ZNF329: variants seen among roughly 807,000 people sequenced by gnomAD.
ZNF329 encodes zinc finger protein 329.
A neutral mutation model predicts 26.6 loss-of-function variants in ZNF329; 15 were observed. The ratio of observed to expected loss-of-function variants is 0.56; its 90% CI spans 0.38 to 0.87. The LOEUF (loss-of-function observed/expected upper bound fraction) is 0.87. ZNF329 is among the 40% of genes least tolerant of loss of function. The probability of loss-of-function intolerance (pLI) is 0.00; values close to 1 mark genes in which losing one functional copy is unlikely to be tolerated. For missense variants in ZNF329, 651 were observed against 651.9 expected, an observed-to-expected ratio of 1.00 and a Z score of 0.02; for synonymous variants, 239 against 233.5, an observed-to-expected ratio of 1.02 and a Z score of -0.21.
In ZNF329 at chr19:58,127,922, G is replaced by T; in HGVS notation, c.1582C>A (p.Arg528=). 6.2e-7 allele frequency: 1 copy of T among 1,610,358 alleles called. No individual in the cohort carries two copies. Among genetic ancestry groups the T allele is most frequent in the African/African-American group, 1.3e-5 (1 of 74,890 alleles). ...TCTCCCAGGTGTGCTCTTTGATGTC[G>T]AACAAGGGATGAGCTCTTTTGGAAC... The part of the protein sequence containing the change: ...KMFQKSSSLV[R]HQRAHLGEQP... The change falls in exon 4 of 4, where the codon CGA becomes AGA. Residue 528 remains arginine (R), a synonymous_variant. Transcript: ENST00000598312.
intron 1 of ZNF329, among the ~76,000 whole-genome samples, chr19:58,147,545 T>TGG (rs1279616892): frequency 1.4e-4 from 14 of 97,664 alleles, no homozygotes; most frequent in African/African-American, 5.7e-4. Flanking sequence ...GGGAGGGAGG[T>TGG]GGGGGGGTCA....
chr19:58,139,864 AAAAC>A (rs1042633185), intron 3 of ZNF329, among the ~76,000 whole-genome samples: 1 of 152,210 alleles, frequency 6.6e-6, no homozygotes, highest in Non-Finnish European at 1.5e-5. Context: ...TCAATATTTA[AAAAC>A]AAACAAAAAC....
chr19:58,153,254 C>T (rs988473333), upstream of ZNF329, among the ~76,000 whole-genome samples: 4 of 152,110 alleles, frequency 2.6e-5, no homozygotes, highest in African/African-American at 7.2e-5. Context: ...GGATTACATG[C>T]GCACACCACC....
At chr19:58,135,843 C>A (rs570322919) in intron 3 of ZNF329, among the ~76,000 whole-genome samples, 1 of 151,240 alleles carries the variant, frequency 6.6e-6, no homozygotes, top group South Asian at 2.1e-4. Context: ...TATAATAAAA[C>A]AGCGAGTAAA....
At position 58,144,391 on chromosome 19, in the gene ZNF329, TA is replaced by T. The variant is rs1417807156; in HGVS notation, c.-207-1194del. 2.2e-3 allele frequency among the ~76,000 whole-genome samples: 241 copies of T among 111,872 alleles called. 1 individual carries two copies. Among genetic ancestry groups the T allele is most frequent in the African/African-American group, 6.2e-3 (195 of 31,662 alleles). The allele number at this position is 111,872 out of a possible 152,430, so 73.4% of individuals were successfully genotyped here. A position where few individuals can be genotyped will look rare whatever the true frequency, so the allele number is the denominator to read the frequency against. ...ATCTATCTATCTATCTATATATATA[TA>T]TATATTTTTTTTTTGAGACGGAGTC... is the stretch of plus-strand genomic sequence containing the variant. On this transcript the variant is annotated intron_variant, in intron 1 of 3. Transcript: ENST00000598312.
At position 58,146,146 on chromosome 19, in the gene ZNF329, C is replaced by G. The variant is rs201246352; in HGVS notation, c.-207-2948G>C. 1.2e-4 allele frequency among the ~76,000 whole-genome samples: 18 copies of G among 152,166 alleles called. No individual in the cohort carries two copies. The East Asian group carries it at 1.9e-3, about 16-fold the overall frequency. ...CCATACAAACTGTATCAGCTGCATA[C>G]AAACTATATCAGACAGGAATTCTGT... On this transcript the variant is annotated intron_variant, in intron 1 of 3. Coordinates refer to ENST00000598312, the MANE Select transcript of ZNF329 (RefSeq NM_024620.4).
In ZNF329 at chr19:58,127,335, T is replaced by G. The variant is rs1384488281; in HGVS notation, c.*543A>C. The stretch of plus-strand genomic sequence containing the variant: ...GGCCAACACAGTGAAACCCTGTCTC[T>G]ACTAAAAATAGAAAAAATTAGCCAG... On this transcript the variant is annotated 3_prime_UTR_variant, in exon 4 of 4. Transcript: ENST00000598312. 6.6e-6 allele frequency: 1 copy of G among 152,228 alleles called. No homozygotes were observed. Among genetic ancestry groups the G allele is most frequent in the Non-Finnish European group, 1.5e-5 (1 of 68,096 alleles). The allele number at this position is 152,228 out of a possible 1,614,324, so 9.4% of individuals were successfully genotyped here.
At chr19:58,137,807 TAC>T (rs2075104901) in intron 3 of ZNF329, among the ~76,000 whole-genome samples, 1 of 15,614 alleles carries the variant, frequency 6.4e-5, no homozygotes, top group Admixed American at 6.9e-4. Context: ...CTACAAAAAA[TAC>T]AAAAAAAAAA....
intron 1 of ZNF329, among the ~76,000 whole-genome samples, chr19:58,149,563 C>A (rs2075402464): frequency 6.6e-6 from 1 of 151,950 alleles, no homozygotes; most frequent in Non-Finnish European, 1.5e-5. Context: ...TATGCAAATG[C>A]GGAACTTTTC....
intron 3 of ZNF329, among the ~76,000 whole-genome samples, chr19:58,136,229 CAA>C (rs201265531): frequency 2.7e-5 from 3 of 109,696 alleles, no homozygotes; most frequent in Admixed American, 2.0e-4. Context: ...GACTCCATCT[CAA>C]AAAAAAAAAA....
chr19:58,146,583 G>A (rs887329045), intron 1 of ZNF329, among the ~76,000 whole-genome samples: 2 of 147,324 alleles, frequency 1.4e-5, no homozygotes, highest in Admixed American at 1.3e-4. Flanking sequence ...TCTTTCCACG[G>A]TCTCCCTCTG....
intron 1 of ZNF329, among the ~76,000 whole-genome samples, chr19:58,144,356 C>T (rs1033745863): frequency 4.0e-5 from 3 of 75,860 alleles, no homozygotes; most frequent in African/African-American, 1.5e-4. Context: ...ACATCTATAT[C>T]TATCTATCTA....
At position 58,143,128 on chromosome 19, in the gene ZNF329, C is replaced by G. The variant is rs982259287; in HGVS notation, c.-137G>C. The G allele has an allele frequency of 6.6e-6, 1 of 152,250 alleles. No individual in the cohort carries two copies. The highest frequency in any genetic ancestry group is 2.4e-5 in the African/African-American group (1 of 41,434). The allele number at this position is 152,250 out of a possible 1,614,324, so 9.4% of individuals were successfully genotyped here. A position where few individuals can be genotyped will look rare whatever the true frequency, so the allele number is the denominator to read the frequency against. On this transcript the variant is annotated 5_prime_UTR_variant, in exon 2 of 4. Transcript: ENST00000598312. ...ACCTGAAGTCCCAGCTACTTGGTAG[C>G]CCAGGAGCTCAAGGCTGCAGTGAGC...
upstream of ZNF329, among the ~76,000 whole-genome samples, chr19:58,153,466 A>G (rs1183922033): frequency 6.6e-6 from 1 of 152,162 alleles, no homozygotes; most frequent in Non-Finnish European, 1.5e-5. Flanking sequence ...GAAAAGCCCA[A>G]TAATAAATAT....
At chr19:58,149,636 T>C (rs1204653839) in intron 1 of ZNF329, among the ~76,000 whole-genome samples, 1 of 152,126 alleles carries the variant, frequency 6.6e-6, no homozygotes, top group African/African-American at 2.4e-5. Context: ...AGTCACTTGC[T>C]GTGGGAAAAA....
intron 1 of ZNF329, among the ~76,000 whole-genome samples, chr19:58,144,389 TA>T (rs1568672252): frequency 1.5e-4 from 16 of 107,288 alleles, no homozygotes; most frequent in African/African-American, 5.3e-4. Flanking sequence ...TCTATATATA[TA>T]TATATATTTT....
intron 3 of ZNF329, among the ~76,000 whole-genome samples, chr19:58,130,281 C>T (rs1327741517): frequency 6.6e-6 from 1 of 151,754 alleles, no homozygotes; most frequent in Non-Finnish European, 1.5e-5. Flanking sequence ...TGAGATCACA[C>T]CACTGCACTC....
Position 58,129,116 on chromosome 19 carries a change from TG to T in ZNF329, c.387del (p.Phe129LeufsTer14), listed in dbSNP as rs754311555. The T allele has an allele frequency of 5.0e-6, 8 of 1,613,966 alleles. No homozygotes were observed. In the African/African-American group the frequency reaches 1.1e-4, roughly 22 times the overall value. On this transcript the variant is annotated frameshift_variant, in exon 4 of 4. Coordinates refer to ENST00000598312, the MANE Select transcript of ZNF329 (RefSeq NM_024620.4). LOFTEE classifies it high-confidence loss of function. ...TGDSDACGKG[F>X]NHSMEVIHGR... is the part of the protein sequence containing the mutation. ...CCATGAATAACTTCCATGGAATGGT[TG>T]AAGCCTTTTCCACAGGCATCACTGT...
At position 58,143,723 on chromosome 19, in the gene ZNF329, G is replaced by A. The variant is rs757865315; in HGVS notation, c.-207-525C>T. ...TAATTACAATTCCAAATTCACTCAC[G>A]CTCACACACAGGCTTATAAGACCTA... On this transcript the variant is annotated intron_variant, in intron 1 of 3. Transcript: ENST00000598312. Among the ~76,000 whole-genome samples the A allele has an allele frequency of 1.4e-4, 21 of 152,210 alleles. 1 individual carries two copies. Among genetic ancestry groups the A allele is most frequent in the African/African-American group, 2.4e-4 (10 of 41,530 alleles).
Sources: gnomAD v4.1 joint callset for allele counts (sites outside exome capture counted in the v4.1 genomes callset) on GRCh38, gnomAD v4.1.1 for gene constraint, MANE v1.5 for transcripts, NCBI Gene and HGNC (gene_info 2026-07-23, HGNC 2026-07-21) for gene names.